Variants in PTPRN2 observed in about 807,000 individuals in gnomAD.
PTPRN2 encodes protein tyrosine phosphatase receptor type N2.
PTPRN2 carries 74 observed loss-of-function variants against 118.8 expected under a neutral mutation model. The observed-to-expected ratio is 0.62, with a 90% CI of 0.52 to 0.76. The LOEUF is 0.76. Among genes scored for constraint, PTPRN2 ranks in the 30% least tolerant of loss-of-function variants. PTPRN2 has a pLI of 0.00. For missense variants in PTPRN2, 1,481 were observed against 1,394.4 expected, an observed-to-expected ratio of 1.06 and a Z score of -0.99; for synonymous variants, 641 against 608.0, an observed-to-expected ratio of 1.05 and a Z score of -0.80.
chr7:158,562,398 T>G (rs1265459086), intron 1 of PTPRN2, among the ~76,000 whole-genome samples: 3 of 152,118 alleles, frequency 2.0e-5, no homozygotes, highest in African/African-American at 7.2e-5. Context: ...GAGCTAGGTT[T>G]CAACACATGC....
chr7:157,667,476 C>A (rs915806805), intron 13 of PTPRN2, among the ~76,000 whole-genome samples: 2 of 152,266 alleles, frequency 1.3e-5, no homozygotes, highest in Admixed American at 1.3e-4. Context: ...AGAGAAGCCA[C>A]ACAGCCTCAC....
chr7:157,580,764 C>A (rs1333636577), intron 17 of PTPRN2, among the ~76,000 whole-genome samples: 4 of 129,856 alleles, frequency 3.1e-5, no homozygotes, highest in East Asian at 2.3e-4. Context: ...ACCTGCACAC[C>A]CCAGCACCTG....
intron 1 of PTPRN2, among the ~76,000 whole-genome samples, chr7:158,533,469 G>T (rs576893838): frequency 2.2e-4 from 33 of 152,306 alleles, no homozygotes; most frequent in African/African-American, 7.2e-4. Flanking sequence ...GCCCAACGTG[G>T]AGTGCTAGGA....
At chr7:158,111,989 G>A (rs745423203) in intron 9 of PTPRN2, among the ~76,000 whole-genome samples, 1 of 152,088 alleles carries the variant, frequency 6.6e-6, no homozygotes, top group South Asian at 2.1e-4. Context: ...GTGTCGCAAA[G>A]ACATGGGGAG....
chr7:158,425,177 GTC>G (rs1815615343), intron 2 of PTPRN2, among the ~76,000 whole-genome samples: 2 of 151,440 alleles, frequency 1.3e-5, no homozygotes, highest in Admixed American at 6.6e-5. Flanking sequence ...TACGAGACCA[GTC>G]TAGCTGAGGC....
At chr7:158,262,964 TCA>T (rs201268616) in intron 3 of PTPRN2, among the ~76,000 whole-genome samples, 64 of 119,494 alleles carry the variant, frequency 5.4e-4, no homozygotes, top group Admixed American at 3.2e-3. Context: ...ATACACACAT[TCA>T]CACACTGCAC....
intron 3 of PTPRN2, among the ~76,000 whole-genome samples, chr7:158,269,451 C>T (rs1563064923): frequency 6.6e-6 from 1 of 152,254 alleles, no homozygotes; most frequent in Non-Finnish European, 1.5e-5. Context: ...GGCATACCTG[C>T]AGCCCAGGCT....
intron 2 of PTPRN2, among the ~76,000 whole-genome samples, chr7:158,382,374 A>T (rs1586527320): frequency 6.6e-6 from 1 of 152,240 alleles, no homozygotes; most frequent in African/African-American, 2.4e-5. Flanking sequence ...GTAAAACAGC[A>T]TGGAATTTGC....
At chr7:158,259,832 G>T (rs1797274592) in intron 3 of PTPRN2, among the ~76,000 whole-genome samples, 1 of 147,430 alleles carries the variant, frequency 6.8e-6, no homozygotes, top group East Asian at 2.1e-4. Flanking sequence ...ACACATATGT[G>T]AATGTGTTTG....
At chr7:157,724,333 C>T (rs1025627496) in intron 12 of PTPRN2, among the ~76,000 whole-genome samples, 10 of 152,226 alleles carry the variant, frequency 6.6e-5, no homozygotes, top group Non-Finnish European at 1.2e-4. Flanking sequence ...ACAGGAATTA[C>T]GAACATAAAA....
intron 11 of PTPRN2, among the ~76,000 whole-genome samples, chr7:158,062,002 G>A (rs571096013): frequency 1.9e-4 from 29 of 152,376 alleles, no homozygotes; most frequent in African/African-American, 5.5e-4. Flanking sequence ...GCATGAGCAC[G>A]GCCATGGTCC....
rs1249199800 is a variant in PTPRN2 at position 158,376,252 on chromosome 7, GCA to G, written c.164-59322_164-59321del. On this transcript the variant is annotated intron_variant, in intron 2 of 22. Transcript: ENST00000389418. ...GCCACACCCGTCACACGTCCTGCAT[GCA>G]GGGTCAGGGGACTCCCCCACAGCCC... 5.5e-3 allele frequency among the ~76,000 whole-genome samples: 835 copies of G among 152,064 alleles called. 9 individuals carry two copies. The highest frequency in any genetic ancestry group is 0.019 in the African/African-American group (795 of 41,328).
At chr7:157,826,169 C>A (rs187118992) in intron 12 of PTPRN2, among the ~76,000 whole-genome samples, 18 of 151,014 alleles carry the variant, frequency 1.2e-4, no homozygotes, top group African/African-American at 4.4e-4. Context: ...TCACAACGAG[C>A]GCCATTTCCA....
At chr7:158,321,469 C>T (rs768171094) in intron 2 of PTPRN2, among the ~76,000 whole-genome samples, 22 of 152,314 alleles carry the variant, frequency 1.4e-4, no homozygotes, top group Admixed American at 4.6e-4. Flanking sequence ...CGTCGAAGCC[C>T]GGACTGACCC....
At position 158,192,296 on chromosome 7, in the gene PTPRN2, C is replaced by T. The variant is rs552839953; in HGVS notation, c.549+31G>A. 7 of 1,443,430 alleles carry T rather than the reference C, an allele frequency of 4.8e-6. No homozygotes were observed. The East Asian group carries it at 1.9e-4, about 40-fold the overall frequency. 89.4% of individuals were successfully genotyped at this position (1,443,430 alleles called of 1,614,324 possible). A position where few individuals can be genotyped will look rare whatever the true frequency, so the allele number is the denominator to read the frequency against. On this transcript the variant is annotated intron_variant, in intron 5 of 22. Coordinates refer to ENST00000389418, the MANE Select transcript of PTPRN2 (RefSeq NM_002847.5). ...ACCTGCACCCTGAAGGAAAAGCCAA[C>T]CCCGGCCCGGGGAGGAAGTGGAAGG...
At position 157,964,922 on chromosome 7, in the gene PTPRN2, AT is replaced by A. The variant is rs1247161001; in HGVS notation, c.1724-66186del. 2.6e-5 allele frequency among the ~76,000 whole-genome samples: 4 copies of A among 152,156 alleles called. No homozygotes were observed. Among genetic ancestry groups the A allele is most frequent in the Admixed American group, 2.6e-4 (4 of 15,280 alleles). On this transcript the variant is annotated intron_variant, in intron 11 of 22. Transcript: ENST00000389418. This position sits in a 1 kb window ranked among gnomAD's most constrained non-coding sequence, Gnocchi z 9.0. Reference sequence around the variant, plus strand: ...ACTCTGTCAGTTGGGCCATGGTATAATTTATGTTCAACAGAGACCTTTGGGA... The same window carrying A: ...ACTCTGTCAGTTGGGCCATGGTATAATTATGTTCAACAGAGACCTTTGGGA...
rs542197194 is a variant in PTPRN2, at chr7:157,703,539, CAGTGGAGGGTAACT to C, written c.1789-20616_1789-20603del. On this transcript the variant is annotated intron_variant, in intron 12 of 22. Transcript: ENST00000389418. Reference sequence around the variant, plus strand: ...CTAAGTTTCGGGATAACTCGCTGTGCAGTGGAGGGTAACTACTGGAGCTAGCAACGTCAAGCCGT... The same window carrying C: ...CTAAGTTTCGGGATAACTCGCTGTGCACTGGAGCTAGCAACGTCAAGCCGT... 2.5e-3 allele frequency among the ~76,000 whole-genome samples: 374 copies of C among 152,304 alleles called. 2 individuals carry two copies. Among genetic ancestry groups the C allele is most frequent in the Admixed American group, 7.1e-3 (108 of 15,302 alleles).
intron 10 of PTPRN2, among the ~76,000 whole-genome samples, chr7:158,100,126 T>A (rs1023439437): frequency 1.3e-5 from 2 of 151,888 alleles, no homozygotes; most frequent in African/African-American, 4.8e-5. Flanking sequence ...TGAGAACATA[T>A]GATGTTTGGT....
intron 2 of PTPRN2, among the ~76,000 whole-genome samples, chr7:158,327,046 TAC>T (rs1449998594): frequency 3.4e-5 from 5 of 149,208 alleles, no homozygotes; most frequent in African/African-American, 7.4e-5. Flanking sequence ...CATGCACATG[TAC>T]ACATTCTCAT....
Sources: allele counts gnomAD v4.1 joint callset (sites outside exome capture counted in the v4.1 genomes callset), GRCh38; gene constraint gnomAD v4.1.1; non-coding constraint Gnocchi (gnomAD v3.1); transcripts MANE v1.5; gene names NCBI Gene and HGNC (gene_info 2026-07-23, HGNC 2026-07-21).